CTDSPL2: variants seen among roughly 807,000 people sequenced by gnomAD.
CTDSPL2 encodes CTD small phosphatase-like protein 2.
In CTDSPL2, 5 loss-of-function variants were observed where a neutral mutation model predicts 60.0. The observed-to-expected ratio is 0.08, with a 90% confidence interval of 0.04 to 0.18. CTDSPL2 has a LOEUF of 0.18. CTDSPL2 is among the 10% of genes least tolerant of loss of function. CTDSPL2 has a pLI of 1.00. For missense variants in CTDSPL2, 370 were observed against 548.8 expected (o/e 0.67, Z 3.26); for synonymous variants, 186 against 189.3 (o/e 0.98, Z 0.14).
chr15:44,433,152 C>T (rs939750766), intron 1 of CTDSPL2, among the ~76,000 whole-genome samples: 3 of 150,436 alleles, frequency 2.0e-5, no homozygotes, highest in Non-Finnish European at 3.0e-5. Flanking sequence ...CTGTCTCTAC[C>T]TAAAATACAA....
At chr15:44,482,080 G>C (rs76057287) in intron 2 of CTDSPL2, among the ~76,000 whole-genome samples, 1 of 152,054 alleles carries the variant, frequency 6.6e-6, no homozygotes, top group Non-Finnish European at 1.5e-5. Context: ...ATTATCCCCT[G>C]AGGTAGCATT....
chr15:44,429,092 T>C (rs909424214), intron 1 of CTDSPL2, among the ~76,000 whole-genome samples: 5 of 152,222 alleles, frequency 3.3e-5, no homozygotes, highest in Middle Eastern at 3.2e-3. Flanking sequence ...AGGTCCAGTT[T>C]AGAGAATTTC....
chr15:44,464,866 T>C (rs1182537939), intron 2 of CTDSPL2, among the ~76,000 whole-genome samples: 1 of 152,120 alleles, frequency 6.6e-6, no homozygotes, highest in Non-Finnish European at 1.5e-5. Flanking sequence ...CCACCACACC[T>C]GGCTACTTTT....
chr15:44,427,646 G>C lies in CTDSPL2; in HGVS notation c.-151G>C, dbSNP rs1207854222. 2 of 399,126 alleles carry C rather than the reference G, an allele frequency of 5.0e-6. No individual in the cohort carries two copies. The allele number at this position is 399,126 out of a possible 1,614,324, so 24.7% of individuals were successfully genotyped here. On this transcript the variant is annotated 5_prime_UTR_variant, in exon 1 of 13. Transcript: ENST00000260327. ...CGTGCGGTGCAGCAGGTCGGTAGGC[G>C]GGAAATGGCGACTGGCTGAAGGAGC...
chr15:44,464,213 C>G (rs933512393), intron 2 of CTDSPL2, among the ~76,000 whole-genome samples: 1 of 152,146 alleles, frequency 6.6e-6, no homozygotes, highest in Admixed American at 6.5e-5. Flanking sequence ...TACTATTTGC[C>G]AAGCACTGTC....
At chr15:44,466,970 C>T (rs1223568568) in intron 2 of CTDSPL2, among the ~76,000 whole-genome samples, 1 of 151,784 alleles carries the variant, frequency 6.6e-6, no homozygotes, top group Non-Finnish European at 1.5e-5. Context: ...CATAATGTTA[C>T]TGTACTGATT....
At chr15:44,449,154 G>C in intron 1 of CTDSPL2, 1 of 304,434 alleles carries the variant, frequency 3.3e-6, no homozygotes, top group Non-Finnish European at 6.6e-6. Context: ...AATCATTTCT[G>C]GGCCACTTGG....
At chr15:44,521,893 G>A (rs892194252) in intron 12 of CTDSPL2, among the ~76,000 whole-genome samples, 4 of 126,520 alleles carry the variant, frequency 3.2e-5, no homozygotes, top group Non-Finnish European at 6.3e-5. Flanking sequence ...AGCCGAGATC[G>A]CGCCACTGCA....
At chr15:44,520,858 C>T (rs755504196) in intron 11 of CTDSPL2, 4 of 151,968 alleles carry the variant, frequency 2.6e-5, no homozygotes, top group Admixed American at 6.6e-5. Flanking sequence ...TCATCCTACT[C>T]GATGGGAATA....
chr15:44,484,250 G>A lies in CTDSPL2; in HGVS notation c.213G>A (p.Arg71=). 6.2e-7 allele frequency: 1 copy of A among 1,611,758 alleles called. No individual in the cohort carries two copies. Among genetic ancestry groups the A allele is most frequent in the South Asian group, 1.1e-5 (1 of 90,822 alleles). ...AAGAGAGAGAAAATCCTTCAAAACG[G>A]AGTAGAATTGAACGTGATATAGATA... ...PKEERENPSK[R]SRIERDIDNN... is the part of the protein sequence containing the mutation. The change falls in exon 3 of 13, where the codon CGG becomes CGA. Residue 71 remains arginine, a synonymous_variant. Coordinates refer to ENST00000260327, the MANE Select transcript of CTDSPL2 (RefSeq NM_016396.3).
intron 1 of CTDSPL2, 151 bp downstream of exon 1, chr15:44,427,923 G>A: frequency 2.7e-6 from 1 of 369,228 alleles, no homozygotes; most frequent in Non-Finnish European, 4.8e-6. Context: ...CGCCTCGTAC[G>A]TCCACTGTGC....
chr15:44,497,197 CATGCTT>C (rs1308376900), intron 7 of CTDSPL2, 59 bp downstream of exon 7: 11 of 961,800 alleles, frequency 1.1e-5, no homozygotes, highest in Non-Finnish European at 6.3e-6. Context: ...TTTTTAGAAT[CATGCTT>C]ATGTTAGCTT....
At chr15:44,469,053 T>C (rs1446950189) in intron 2 of CTDSPL2, among the ~76,000 whole-genome samples, 1 of 152,212 alleles carries the variant, frequency 6.6e-6, no homozygotes, top group Non-Finnish European at 1.5e-5. Context: ...AGTACAAGAC[T>C]AGTGATGCTG....
intron 1 of CTDSPL2, among the ~76,000 whole-genome samples, chr15:44,449,856 T>TGGTA (rs916825412): frequency 1.3e-5 from 2 of 151,902 alleles, no homozygotes; most frequent in Non-Finnish European, 2.9e-5. Context: ...CCAGGCATGG[T>TGGTA]GGTACATGCC....
At chr15:44,492,228 C>T (rs1334979539) in intron 5 of CTDSPL2, among the ~76,000 whole-genome samples, 1 of 152,026 alleles carries the variant, frequency 6.6e-6, no homozygotes, top group African/African-American at 2.4e-5. Flanking sequence ...CCTAATTACT[C>T]AGGAGGCTGA....
chr15:44,444,955 C>T (rs1380032335), intron 1 of CTDSPL2, among the ~76,000 whole-genome samples: 3 of 143,972 alleles, frequency 2.1e-5, no homozygotes, highest in African/African-American at 7.7e-5. Flanking sequence ...TCACACCATT[C>T]TCCTGCCTCA....
intron 1 of CTDSPL2, chr15:44,448,801 T>G: frequency 2.8e-6 from 1 of 355,240 alleles, no homozygotes; most frequent in South Asian, 2.4e-5. Context: ...CTGCGGACGC[T>G]TAGGAGGGAA....
intron 2 of CTDSPL2, among the ~76,000 whole-genome samples, chr15:44,464,169 C>T (rs1481370258): frequency 2.0e-5 from 3 of 152,166 alleles, no homozygotes; most frequent in Non-Finnish European, 4.4e-5. Flanking sequence ...ACCACTACGC[C>T]CGCAACAGCT....
intron 5 of CTDSPL2, among the ~76,000 whole-genome samples, chr15:44,492,533 A>G (rs2081234301): frequency 6.6e-6 from 1 of 152,128 alleles, no homozygotes; most frequent in South Asian, 2.1e-4. Context: ...TAAGTCTAGG[A>G]GCATCTGTAC....
Sources: allele counts gnomAD v4.1 joint callset (sites outside exome capture counted in the v4.1 genomes callset), GRCh38; gene constraint gnomAD v4.1.1; transcripts MANE v1.5; gene names NCBI Gene and HGNC (gene_info 2026-07-23, HGNC 2026-07-21).